The following LRCH2 variants were observed in gnomAD, a reference collection of about 807,000 sequenced individuals.
The protein encoded by LRCH2 is leucine-rich repeat and calponin homology domain-containing protein 2.
Under a neutral mutation model 68.9 loss-of-function variants are expected in LRCH2, and 38 were observed. The ratio of observed to expected loss-of-function variants is 0.55; its 90% confidence interval spans 0.43 to 0.72. The LOEUF (loss-of-function observed/expected upper bound fraction) is 0.72, where lower values mean the gene tolerates loss of function less well. LRCH2 is among the 30% of genes least tolerant of loss of function. The pLI, the probability that LRCH2 is intolerant of heterozygous loss-of-function variation, is 0.00. For missense variants in LRCH2, 528 were observed against 572.9 expected, an observed-to-expected ratio of 0.92 and a Z score of 0.80; for synonymous variants, 191 against 208.1, an observed-to-expected ratio of 0.92 and a Z score of 0.71.
Position 115,233,988 on chromosome X carries a change from T to G in LRCH2, c.54A>C (p.Gly18=), listed in dbSNP as rs1387232998. 2 of 1,133,027 alleles carry G rather than the reference T, an allele frequency of 1.8e-6. No homozygotes were observed. The allele number at this position is 1,133,027 out of a possible 1,213,427, so 93.4% of individuals were successfully genotyped here. The part of the protein sequence containing the change: ...GGNSGGGGCG[G]GGSSGGCGTA... The stretch of plus-strand genomic sequence containing the variant: ...TGCCACAGCCACCGCTACTTCCACC[T>G]CCACCACAACCGCCGCCCCCACTGT... Residue 18 remains glycine, a synonymous_variant, in exon 1 of 21, where the codon GGA becomes GGC. Transcript: ENST00000317135.
At chrX:115,185,382 G>A (rs946140096) in intron 2 of LRCH2, among the ~76,000 whole-genome samples, 1 of 111,826 alleles carries the variant, frequency 8.9e-6, no homozygotes, top group African/African-American at 3.3e-5. Context: ...TCAAACTCAG[G>A]CAATCTGGCT....
chrX:115,173,609 A>G (rs905573733), intron 5 of LRCH2, among the ~76,000 whole-genome samples: 1 of 111,950 alleles, frequency 8.9e-6, no homozygotes, highest in Admixed American at 9.5e-5. Flanking sequence ...TCTATTTCCT[A>G]TAACTATCTT....
At chrX:115,117,980 G>C (rs1204635024) in intron 20 of LRCH2, among the ~76,000 whole-genome samples, 1 of 110,229 alleles carries the variant, frequency 9.1e-6, no homozygotes, top group African/African-American at 3.3e-5. Flanking sequence ...CTAAAACAAA[G>C]AAAATTAATT....
rs1335071765 is a variant in LRCH2 at position 115,189,872 on chromosome X, C to T, written c.350-1502G>A. Reference sequence around the variant, plus strand: ...TATTTCGACCTGTGGCCCTACAGGGCCCCGATGCCCAGGAAGCGCGGGCCG... The same window carrying T: ...TATTTCGACCTGTGGCCCTACAGGGTCCCGATGCCCAGGAAGCGCGGGCCG... On this transcript the variant is annotated intron_variant, in intron 1 of 20. Transcript: ENST00000317135. The T allele has an allele frequency of 1.7e-6, 2 of 1,164,594 alleles. No individual in the cohort carries two copies. The highest frequency in any genetic ancestry group is 2.3e-6 in the Non-Finnish European group (2 of 871,468).
chrX:115,222,902 G>T (rs1274912969), intron 1 of LRCH2, among the ~76,000 whole-genome samples: 1 of 111,725 alleles, frequency 9.0e-6, no homozygotes, highest in Non-Finnish European at 1.9e-5. Context: ...TGAAAAAAAT[G>T]TCGGAAAATT....
chrX:115,166,076 A>G, intron 7 of LRCH2, 124 bp from the exon 8 acceptor site: 1 of 649,337 alleles, frequency 1.5e-6, no homozygotes, highest in South Asian at 2.7e-5. Flanking sequence ...CAAACCCAAA[A>G]TTAACATAAG....
chrX:115,155,761 T>TAA (rs2147378212), intron 12 of LRCH2, among the ~76,000 whole-genome samples: 1 of 111,731 alleles, frequency 9.0e-6, no homozygotes, highest in Admixed American at 9.6e-5. Context: ...TAAATGTGGC[T>TAA]CAGAGTAAGC....
At chrX:115,217,137 C>T (rs782053963) in intron 1 of LRCH2, among the ~76,000 whole-genome samples, 42 of 111,352 alleles carry the variant, frequency 3.8e-4, no homozygotes, top group Non-Finnish European at 5.8e-4. Flanking sequence ...GTATAATGTA[C>T]GCTATTCGAG....
chrX:115,122,077 C>G (rs920981822), intron 20 of LRCH2, among the ~76,000 whole-genome samples: 89 of 110,346 alleles, frequency 8.1e-4, no homozygotes, highest in African/African-American at 2.9e-3. Context: ...CAGGTATTAT[C>G]ATAATATGCT....
chrX:115,161,500 G>A (rs1231630416), intron 11 of LRCH2, among the ~76,000 whole-genome samples: 2 of 111,740 alleles, frequency 1.8e-5, no homozygotes, highest in Admixed American at 1.9e-4. Context: ...CATCTAAAAA[G>A]GATGATAAAG....
At chrX:115,162,580 T>C (rs2072528112) in intron 11 of LRCH2, among the ~76,000 whole-genome samples, 2 of 112,191 alleles carry the variant, frequency 1.8e-5, no homozygotes, top group African/African-American at 6.5e-5. Context: ...TTTTCTAGTA[T>C]GATTTTGTAT....
Position 115,113,030 on chromosome X carries a change from T to C in LRCH2, c.*186A>G, listed in dbSNP as rs2072054524. On this transcript the variant is annotated 3_prime_UTR_variant, in exon 21 of 21. Transcript: ENST00000317135. Reference sequence around the variant, plus strand: ...AAATACTCTTATTAAGTTAATCCAGTTTTCCCCCAAAGAAGTTCGGGCAAT... The same window carrying C: ...AAATACTCTTATTAAGTTAATCCAGCTTTCCCCCAAAGAAGTTCGGGCAAT... 9.7e-6 allele frequency: 3 copies of C among 307,899 alleles called. No individual in the cohort carries two copies. The highest frequency in any genetic ancestry group is 6.0e-5 in the Admixed American group (1 of 16,620). 25.4% of individuals were successfully genotyped at this position (307,899 alleles called of 1,213,427 possible).
chrX:115,125,398 T>A (rs782505848), intron 16 of LRCH2, among the ~76,000 whole-genome samples: 6 of 81,588 alleles, frequency 7.4e-5, no homozygotes, highest in African/African-American at 2.2e-4. Context: ...CAGAGTGAGA[T>A]CATGTGTCAT....
At chrX:115,184,664 G>A in intron 2 of LRCH2, 127 bp from the exon 3 acceptor site, 1 of 572,955 alleles carries the variant, frequency 1.7e-6, no homozygotes, top group Non-Finnish European at 2.5e-6. Flanking sequence ...TACTTGCTGA[G>A]TGCTCACTTT....
At chrX:115,192,492 G>T (rs782732113) in intron 1 of LRCH2, 14 of 1,171,223 alleles carry the variant, frequency 1.2e-5, no homozygotes, top group Non-Finnish European at 1.6e-5. Context: ...GTCGAGACCG[G>T]GTAGGCAGAC....
rs184167766 is a variant in LRCH2 at position 115,174,461 on chromosome X, C to T, written c.865-4029G>A. On this transcript the variant is annotated intron_variant, in intron 5 of 20. Transcript: ENST00000317135. ...GGTTCCACATATACGTGAGATCACA[C>T]AGCATTTATCTTTCTGTGTCAGGCT... Among the ~76,000 whole-genome samples, 425 of 108,730 alleles carry T rather than the reference C, an allele frequency of 3.9e-3. 1 individual carries two copies. Among genetic ancestry groups the T allele is most frequent in the South Asian group, 7.8e-3 (19 of 2,447 alleles). 94.4% of individuals were successfully genotyped at this position (108,730 alleles called of 115,157 possible). A position where few individuals can be genotyped will look rare whatever the true frequency, so the allele number is the denominator to read the frequency against.
Position 115,163,828 on chromosome X carries a change from T to C in LRCH2, c.1356-45A>G, listed in dbSNP as rs781963560. ...TGGTTATCCAAAAAGTAAGGCAGAC[T>C]ACATTTTATGCCAGCTTCCAGAAAT... is the stretch of plus-strand genomic sequence containing the variant. On this transcript the variant is annotated intron_variant, in intron 10 of 20. Transcript: ENST00000317135. The C allele has an allele frequency of 8.5e-6, 8 of 940,001 alleles. No individual in the cohort carries two copies. In the Admixed American group the frequency reaches 1.9e-4, roughly 23 times the overall value. The allele number at this position is 940,001 out of a possible 1,213,427, so 77.5% of individuals were successfully genotyped here. A position where few individuals can be genotyped will look rare whatever the true frequency, so the allele number is the denominator to read the frequency against.
chrX:115,128,481 A>G (rs1488031979), intron 15 of LRCH2, among the ~76,000 whole-genome samples: 1 of 112,458 alleles, frequency 8.9e-6, no homozygotes, highest in African/African-American at 3.2e-5. Flanking sequence ...TAGAACAATT[A>G]TAACAATGTA....
intron 14 of LRCH2, among the ~76,000 whole-genome samples, chrX:115,135,928 C>T (rs951488294): frequency 8.9e-6 from 1 of 111,802 alleles, no homozygotes; most frequent in Non-Finnish European, 1.9e-5. Context: ...TACTATTACA[C>T]ACTTAGATTA....
Sources: gnomAD v4.1 joint callset for allele counts (sites outside exome capture counted in the v4.1 genomes callset) on GRCh38, gnomAD v4.1.1 for gene constraint, MANE v1.5 for transcripts, NCBI Gene and HGNC (gene_info 2026-07-23, HGNC 2026-07-21) for gene names.